Variants in JAZF1 observed in about 807,000 individuals in gnomAD.
JAZF1 encodes JAZF zinc finger 1.
Under a neutral mutation model 26.4 loss-of-function variants are expected in JAZF1, and 8 were observed. The observed-to-expected ratio is 0.30, with a 90% CI of 0.18 to 0.55. The LOEUF (loss-of-function observed/expected upper bound fraction) is 0.55. Ranked by LOEUF, JAZF1 falls within the 20% of genes least tolerant of loss-of-function variation. JAZF1 has a pLI of 0.94. For missense variants in JAZF1, 199 were observed against 322.0 expected, an observed-to-expected ratio of 0.62 and a Z score of 2.92; for synonymous variants, 126 against 122.3, an observed-to-expected ratio of 1.03 and a Z score of -0.20.
chr7:28,178,746 T>A (rs967644231), intron 1 of JAZF1, among the ~76,000 whole-genome samples: 1 of 152,210 alleles, frequency 6.6e-6, no homozygotes, highest in African/African-American at 2.4e-5. Context: ...GTTGCTCCAT[T>A]AAACTGCTTT....
chr7:27,944,073 A>C (rs1784891552), intron 2 of JAZF1, among the ~76,000 whole-genome samples: 1 of 152,024 alleles, frequency 6.6e-6, no homozygotes, highest in South Asian at 2.1e-4. Flanking sequence ...ATGGAAACAT[A>C]TCCTCTACAG....
chr7:27,994,497 A>G (rs10486570), intron 1 of JAZF1, among the ~76,000 whole-genome samples: 14,642 of 152,082 alleles, frequency 0.096, 781 homozygotes, highest in South Asian at 0.14. Context: ...AACCATTTGG[A>G]AGCACCTCAG....
intron 2 of JAZF1, among the ~76,000 whole-genome samples, chr7:27,988,501 G>A (rs937875980): frequency 9.9e-5 from 15 of 151,420 alleles, no homozygotes; most frequent in Non-Finnish European, 1.5e-4. Context: ...TAGCCTCCCC[G>A]TGTAGCTGGG....
At chr7:28,049,937 G>T (rs536124308) in intron 1 of JAZF1, among the ~76,000 whole-genome samples, 2 of 152,124 alleles carry the variant, frequency 1.3e-5, no homozygotes, top group Admixed American at 1.3e-4. Flanking sequence ...TCATCACATC[G>T]GCATGATTGA....
At chr7:27,986,073 C>T (rs1183699628) in intron 2 of JAZF1, among the ~76,000 whole-genome samples, 2 of 152,228 alleles carry the variant, frequency 1.3e-5, no homozygotes, top group Non-Finnish European at 2.9e-5. Context: ...TGTCCTCTCT[C>T]ACCACTCCTA....
chr7:28,140,860 A>C (rs938288571), intron 1 of JAZF1, among the ~76,000 whole-genome samples: 1 of 148,468 alleles, frequency 6.7e-6, no homozygotes, highest in Non-Finnish European at 1.5e-5. Context: ...AATTTCTTAA[A>C]ATCACTGACT....
intron 1 of JAZF1, among the ~76,000 whole-genome samples, chr7:28,133,310 T>C (rs1395003299): frequency 1.3e-5 from 2 of 152,106 alleles, no homozygotes; most frequent in Non-Finnish European, 2.9e-5. Flanking sequence ...GGAAGAAAGG[T>C]AAAATTAAAT....
At chr7:28,178,862 A>G (rs1783587716) in intron 1 of JAZF1, among the ~76,000 whole-genome samples, 1 of 152,236 alleles carries the variant, frequency 6.6e-6, no homozygotes, top group African/African-American at 2.4e-5. Context: ...CAAAACCTGG[A>G]CAATTACTCA....
chr7:27,847,718 A>G (rs1783056399), intron 3 of JAZF1, among the ~76,000 whole-genome samples: 1 of 152,116 alleles, frequency 6.6e-6, no homozygotes, highest in Non-Finnish European at 1.5e-5. Flanking sequence ...CCCAGGCTGG[A>G]ATGCAGTGGT....
At position 28,180,486 on chromosome 7, in the gene JAZF1, T is replaced by C. The variant is rs538081533; in HGVS notation, c.92A>G (p.Glu31Gly). 1.9e-6 allele frequency: 3 copies of C among 1,610,398 alleles called. No individual in the cohort carries two copies. Among genetic ancestry groups the C allele is most frequent in the African/African-American group, 2.7e-5 (2 of 74,004 alleles). Residue 31 changes from glutamate (E) to glycine (G), a missense_variant, in exon 1 of 5, where the codon GAG becomes GGG. Around this residue, in one of 2 missense-constraint regions of JAZF1, gnomAD observed 137 missense variants for 184.8 expected, o/e 0.74. Coordinates refer to ENST00000283928, the MANE Select transcript of JAZF1 (RefSeq NM_175061.4). ...ACCGATGTGGTTGTCCTCGATGTGC[T>C]CGATGAGGTCGGCCAGGGTGGGGAA... Reference protein sequence around the residue: ...LHFPTLADLIEHIEDNHIDTD... With the variant: ...LHFPTLADLIGHIEDNHIDTD...
At chr7:28,122,564 C>A (rs1782621692) in intron 1 of JAZF1, among the ~76,000 whole-genome samples, 1 of 152,252 alleles carries the variant, frequency 6.6e-6, no homozygotes, top group African/African-American at 2.4e-5. Flanking sequence ...AGGCCCAGAT[C>A]TGTGAAGGAG....
intron 1 of JAZF1, among the ~76,000 whole-genome samples, chr7:28,157,959 T>C (rs1783213747): frequency 6.6e-6 from 1 of 152,012 alleles, no homozygotes; most frequent in Admixed American, 6.6e-5. Context: ...GCAGAACTGA[T>C]AGGAATAAAC....
intron 1 of JAZF1, among the ~76,000 whole-genome samples, chr7:28,088,749 C>A (rs1341814744): frequency 6.6e-6 from 1 of 152,194 alleles, no homozygotes; most frequent in Non-Finnish European, 1.5e-5. Context: ...CACCACTATG[C>A]CATTAAATCA....
At chr7:27,923,296 C>T (rs953079141) in intron 2 of JAZF1, among the ~76,000 whole-genome samples, 4 of 152,140 alleles carry the variant, frequency 2.6e-5, no homozygotes, top group Non-Finnish European at 5.9e-5. Flanking sequence ...CTCTTCCAAA[C>T]GAAAACCCGA....
chr7:28,077,422 C>A (rs986241198), intron 1 of JAZF1, among the ~76,000 whole-genome samples: 1 of 151,984 alleles, frequency 6.6e-6, no homozygotes, highest in Non-Finnish European at 1.5e-5. Flanking sequence ...CTATTTTTCA[C>A]GTATTGATTA....
chr7:27,915,066 G>A (rs183477179), intron 2 of JAZF1, among the ~76,000 whole-genome samples: 1 of 152,194 alleles, frequency 6.6e-6, no homozygotes, highest in East Asian at 1.9e-4. Context: ...TTACTATGAG[G>A]ATGATTCCTT....
At chr7:27,994,661 T>A (rs886362570) in intron 1 of JAZF1, among the ~76,000 whole-genome samples, 1 of 152,160 alleles carries the variant, frequency 6.6e-6, no homozygotes, top group Admixed American at 6.5e-5. Context: ...AATCTTAAAA[T>A]GAAATTAGGC....
chr7:27,857,577 G>C (rs910274639), intron 3 of JAZF1, among the ~76,000 whole-genome samples: 1 of 152,250 alleles, frequency 6.6e-6, no homozygotes, highest in Non-Finnish European at 1.5e-5. Flanking sequence ...CTCTCACAAG[G>C]CTGGTTCAAC....
intron 2 of JAZF1, among the ~76,000 whole-genome samples, chr7:27,951,368 G>T (rs925841109): frequency 6.6e-6 from 1 of 152,130 alleles, no homozygotes; most frequent in Non-Finnish European, 1.5e-5. Flanking sequence ...TTAAGAAATT[G>T]TATAGGTCTC....
Sources: allele counts gnomAD v4.1 joint callset (sites outside exome capture counted in the v4.1 genomes callset), GRCh38; gene constraint gnomAD v4.1.1; regional missense constraint gnomAD v4.1.1; transcripts MANE v1.5; gene names NCBI Gene and HGNC (gene_info 2026-07-23, HGNC 2026-07-21).